Variants in KLHL5 observed in about 807,000 individuals in gnomAD.
KLHL5 encodes the protein kelch like family member 5.
A neutral mutation model predicts 77.7 loss-of-function variants in KLHL5; 48 were observed. That is an observed-to-expected ratio of 0.62 (90% CI 0.49 to 0.79). The LOEUF is 0.79. KLHL5 is among the 30% of genes least tolerant of loss of function. The pLI is 0.00. For synonymous variants in KLHL5, 260 were observed against 297.0 expected, an observed-to-expected ratio of 0.88 and a Z score of 1.28; for missense variants, 723 against 859.7, an observed-to-expected ratio of 0.84 and a Z score of 1.99.
At position 39,121,417 on chromosome 4, in the gene KLHL5, A is replaced by G; in HGVS notation, c.*351A>G. 4.4e-6 allele frequency: 1 copy of G among 227,642 alleles called. No individual in the cohort carries two copies. Among genetic ancestry groups the G allele is most frequent in the Non-Finnish European group, 8.6e-6 (1 of 115,922 alleles). 14.1% of individuals were successfully genotyped at this position (227,642 alleles called of 1,614,324 possible). On this transcript the variant is annotated 3_prime_UTR_variant, in exon 11 of 11. Transcript: ENST00000504108. ...CTCACATCCAGATTTATTTTCCTAC[A>G]GTGCAAACACACCAGATGAAACTTT...
At chr4:39,103,847 G>A in intron 7 of KLHL5, among the ~76,000 whole-genome samples, 1 of 262 alleles carries the variant, frequency 3.8e-3, no homozygotes, top group Admixed American at 0.045. Context: ...TAAAAAATTT[G>A]GTGGCTTGGC....
At chr4:39,098,339 T>C (rs973710888) in intron 6 of KLHL5, among the ~76,000 whole-genome samples, 2 of 151,606 alleles carry the variant, frequency 1.3e-5, no homozygotes, top group African/African-American at 4.8e-5. Context: ...CTCAGCTCAC[T>C]GCAACCTCTG....
At chr4:39,063,247 ATT>A (rs1433495791) in intron 1 of KLHL5, among the ~76,000 whole-genome samples, 1 of 152,098 alleles carries the variant, frequency 6.6e-6, no homozygotes, top group Non-Finnish European at 1.5e-5. Flanking sequence ...AATAGCATTC[ATT>A]TTGAAATATC....
At chr4:39,061,015 T>C (rs2109285215), upstream of KLHL5, among the ~76,000 whole-genome samples, 1 of 152,348 alleles carries the variant, frequency 6.6e-6, no homozygotes, top group East Asian at 1.9e-4. Flanking sequence ...TTCATGCTTT[T>C]ATTAGAATCT....
intron 1 of KLHL5, among the ~76,000 whole-genome samples, chr4:39,074,357 C>A (rs1718799202): frequency 6.6e-6 from 1 of 152,158 alleles, no homozygotes; most frequent in African/African-American, 2.4e-5. Context: ...AATCTTAGTT[C>A]AATGTGAGTG....
chr4:39,049,713 A>AAAATAAATAAAT (rs112120175), intron 1 of KLHL5, among the ~76,000 whole-genome samples: 314 of 18,176 alleles, frequency 0.017, 1 homozygote, highest in African/African-American at 0.027. Context: ...AAATAAATAA[A>AAAATAAATAAAT]AAATAAATAA....
Position 39,062,291 on chromosome 4 carries a change from GTGT to G in KLHL5, c.-360_-358del. The G allele has an allele frequency of 1.5e-6, 2 of 1,351,848 alleles. No homozygotes were observed. Among genetic ancestry groups the G allele is most frequent in the Non-Finnish European group, 1.9e-6 (2 of 1,054,834 alleles). 83.7% of individuals were successfully genotyped at this position (1,351,848 alleles called of 1,614,324 possible). On this transcript the variant is annotated 5_prime_UTR_variant, in exon 1 of 11. Coordinates refer to ENST00000504108, the MANE Select transcript of KLHL5 (RefSeq NM_015990.5). ...TTTGTGGTTTAAGAAAAAGGGGGTGGTGTTCTGCATTTGAAAGGACTTTAATGA... is the reference window on the plus strand; with the variant it reads ...TTTGTGGTTTAAGAAAAAGGGGGTGGTCTGCATTTGAAAGGACTTTAATGA...
downstream of KLHL5, chr4:39,126,675 A>G (rs1723564838): frequency 2.2e-6 from 1 of 453,366 alleles, no homozygotes; most frequent in Non-Finnish European, 4.4e-6. Context: ...TGGATAATAA[A>G]CAATTATATT....
chr4:39,045,614 C>A (rs1716123177), intron 1 of KLHL5, among the ~76,000 whole-genome samples: 1 of 152,146 alleles, frequency 6.6e-6, no homozygotes, highest in Non-Finnish European at 1.5e-5. Context: ...TTCCCGAGAC[C>A]CGGCGTGCCT....
intron 1 of KLHL5, among the ~76,000 whole-genome samples, chr4:39,048,402 G>GA (rs1357202108): frequency 6.6e-6 from 1 of 152,218 alleles, no homozygotes; most frequent in Non-Finnish European, 1.5e-5. Context: ...CCATTTATGA[G>GA]AAAGGGGTTT....
intron 1 of KLHL5, 74 bp downstream of exon 1, chr4:39,063,109 T>G: frequency 9.4e-7 from 1 of 1,062,740 alleles, no homozygotes; most frequent in East Asian, 2.7e-5. Context: ...AATTTAGTAT[T>G]TATTATTTAA....
At chr4:39,052,380 G>T (rs929751000) in intron 1 of KLHL5, among the ~76,000 whole-genome samples, 1 of 152,020 alleles carries the variant, frequency 6.6e-6, no homozygotes, top group Non-Finnish European at 1.5e-5. Flanking sequence ...AGCCTCCCCA[G>T]AGGGCTGCGG....
At chr4:39,097,120 T>A (rs1721135551) in intron 6 of KLHL5, among the ~76,000 whole-genome samples, 1 of 152,226 alleles carries the variant, frequency 6.6e-6, no homozygotes, top group Admixed American at 6.5e-5. Flanking sequence ...AAATCTGGGA[T>A]AATTTGAGCA....
At chr4:39,073,129 G>A (rs980392062) in intron 1 of KLHL5, among the ~76,000 whole-genome samples, 4 of 151,946 alleles carry the variant, frequency 2.6e-5, no homozygotes, top group Admixed American at 6.6e-5. Context: ...TTCAAATCTC[G>A]CCTCCGACCT....
At chr4:39,058,024 G>A (rs2711949), upstream of KLHL5, among the ~76,000 whole-genome samples, 114,533 of 152,068 alleles carry the variant, frequency 0.75, 43,140 homozygotes, top group East Asian at 0.82. Context: ...AGATTTGAGC[G>A]GTTTTGAAAC....
intron 1 of KLHL5, chr4:39,045,225 T>G: frequency 1.1e-6 from 1 of 935,974 alleles, no homozygotes; most frequent in Non-Finnish European, 1.3e-6. Flanking sequence ...ACGCTGCCCC[T>G]CCCGGAGGCG....
At chr4:39,057,523 G>A (rs2109270990), upstream of KLHL5, among the ~76,000 whole-genome samples, 1 of 152,076 alleles carries the variant, frequency 6.6e-6, no homozygotes, top group South Asian at 2.1e-4. Flanking sequence ...TAAGTGTTAG[G>A]GAATTTACAT....
intron 5 of KLHL5, among the ~76,000 whole-genome samples, chr4:39,095,099 A>G (rs1262623739): frequency 6.6e-6 from 1 of 152,220 alleles, no homozygotes; most frequent in Non-Finnish European, 1.5e-5. Context: ...TGAAAAATAA[A>G]GGATTAGTGT....
intron 1 of KLHL5, among the ~76,000 whole-genome samples, chr4:39,073,802 G>A (rs1238898237): frequency 3.4e-5 from 5 of 149,180 alleles, no homozygotes; most frequent in South Asian, 2.1e-4. Context: ...GTGCCACCAC[G>A]CCCAGCTAAT....
Sources: gnomAD v4.1 joint callset for allele counts (sites outside exome capture counted in the v4.1 genomes callset) on GRCh38, gnomAD v4.1.1 for gene constraint, MANE v1.5 for transcripts, NCBI Gene and HGNC (gene_info 2026-07-23, HGNC 2026-07-21) for gene names.